The following KIAA0319L variants were observed in gnomAD, a reference collection of about 807,000 sequenced individuals.
KIAA0319L encodes the protein KIAA0319 like.
Under a neutral mutation model 120.1 loss-of-function variants are expected in KIAA0319L, and 55 were observed. The ratio of observed to expected loss-of-function variants is 0.46; its 90% confidence interval spans 0.37 to 0.57. The LOEUF (loss-of-function observed/expected upper bound fraction) is 0.57, where lower values mean the gene tolerates loss of function less well. Ranked by LOEUF, KIAA0319L falls within the 20% of genes least tolerant of loss-of-function variation. The pLI is 0.00. For missense variants in KIAA0319L, 1,049 were observed against 1,255.3 expected (o/e 0.84, Z 2.48); for synonymous variants, 398 against 471.9 (o/e 0.84, Z 2.03).
At chr1:35,466,987 T>C (rs965079001) in intron 6 of KIAA0319L, among the ~76,000 whole-genome samples, 1 of 151,690 alleles carries the variant, frequency 6.6e-6, no homozygotes, top group African/African-American at 2.4e-5. Context: ...AGCTACTTAG[T>C]AGGCTGAGGT....
At chr1:35,466,540 C>T (rs1643275557) in intron 7 of KIAA0319L, 68 bp downstream of exon 7, 1 of 1,060,012 alleles carries the variant, frequency 9.4e-7, no homozygotes, top group East Asian at 2.4e-5. Flanking sequence ...AACCCCAAAT[C>T]AAATCTCTAT....
Position 35,437,747 on chromosome 1 carries a change from T to C in KIAA0319L, c.2963-2666A>G, listed in dbSNP as rs1640900058. On this transcript the variant is annotated intron_variant, in intron 20 of 20. Coordinates refer to ENST00000325722, the MANE Select transcript of KIAA0319L (RefSeq NM_024874.5). The surrounding 1 kb of genome is among the most constrained non-coding windows in gnomAD (Gnocchi z 4.1). ...AACCCTAGGCCTCTTCTTTTGTCCT[T>C]CAACATTCCCCCATAAGGGATGTGA... is the stretch of plus-strand genomic sequence containing the variant. Among the ~76,000 whole-genome samples, 1 of 152,194 alleles carries C rather than the reference T, an allele frequency of 6.6e-6. No individual in the cohort carries two copies. Among genetic ancestry groups the C allele is most frequent in the Non-Finnish European group, 1.5e-5 (1 of 68,022 alleles).
At chr1:35,490,735 CTG>C (rs1644561041) in intron 3 of KIAA0319L, among the ~76,000 whole-genome samples, 1 of 152,130 alleles carries the variant, frequency 6.6e-6, no homozygotes, top group Non-Finnish European at 1.5e-5. Flanking sequence ...TGTTTTGGCT[CTG>C]TGTCCCCACC....
chr1:35,457,440 A>T (rs576316539), intron 9 of KIAA0319L, among the ~76,000 whole-genome samples: 12 of 151,632 alleles, frequency 7.9e-5, no homozygotes, highest in African/African-American at 2.7e-4. Context: ...TGAGATGAAA[A>T]TGAATTCTCC....
At chr1:35,471,169 T>G (rs1239857358) in intron 5 of KIAA0319L, among the ~76,000 whole-genome samples, 2 of 152,144 alleles carry the variant, frequency 1.3e-5, no homozygotes, top group Non-Finnish European at 2.9e-5. Flanking sequence ...TTCTTCCAAC[T>G]CTCTCCCAAC....
chr1:35,512,774 C>T (rs1236959442), intron 2 of KIAA0319L, among the ~76,000 whole-genome samples: 1 of 147,078 alleles, frequency 6.8e-6, no homozygotes, highest in African/African-American at 2.5e-5. Context: ...GAGGCTGAGG[C>T]AGGAGAATCA....
chr1:35,485,240 C>T (rs1644343881), intron 3 of KIAA0319L, among the ~76,000 whole-genome samples: 3 of 152,062 alleles, frequency 2.0e-5, no homozygotes, highest in Admixed American at 6.5e-5. Context: ...CTTGCCTATA[C>T]TTAAACTGCA....
Position 35,444,215 on chromosome 1 carries a change from G to T in KIAA0319L, c.2602C>A (p.Arg868=). 6.2e-7 allele frequency: 1 copy of T among 1,609,028 alleles called. No individual in the cohort carries two copies. Among genetic ancestry groups the T allele is most frequent in the Non-Finnish European group, 8.5e-7 (1 of 1,177,918 alleles). ...EVAAMLKSEL[R]KQKADFLIFR... Reference sequence around the variant, plus strand: ...ATCAAAAAGTCTGCCTTTTGCTTCCGCAGCTCACTCTTGAGCATCGCTGCC... The same window carrying T: ...ATCAAAAAGTCTGCCTTTTGCTTCCTCAGCTCACTCTTGAGCATCGCTGCC... The change falls in exon 17 of 21, where the codon CGG becomes AGG. Residue 868 remains arginine (R), a synonymous_variant. Transcript: ENST00000325722.
In KIAA0319L at chr1:35,462,639, T is replaced by C. The variant is rs754983404; in HGVS notation, c.1276A>G (p.Thr426Ala). Residue 426 changes from threonine (T) to alanine (A), a missense_variant, in exon 8 of 21, where the codon ACA (threonine) becomes GCA (alanine). Thr to Ala is a moderately conservative substitution (Grantham distance 58). Transcript: ENST00000325722. ...TACTCACGACTGCCATCAATGACTG[T>C]AGAAGTGGTTGGCAAAGAGATCTCC... ...FQEISLPTTS[T>A]VIDGSQSTDD... is the part of the protein sequence containing the mutation. 4 of 1,612,824 alleles carry C rather than the reference T, an allele frequency of 2.5e-6. No individual in the cohort carries two copies. The highest frequency in any genetic ancestry group is 3.4e-6 in the Non-Finnish European group (4 of 1,178,848).
intron 3 of KIAA0319L, among the ~76,000 whole-genome samples, chr1:35,505,106 C>T (rs1645161005): frequency 6.6e-6 from 1 of 152,094 alleles, no homozygotes; most frequent in Non-Finnish European, 1.5e-5. Context: ...GATGCTTTCA[C>T]GGCACTCTGT....
chr1:35,493,507 A>C lies in KIAA0319L; in HGVS notation c.666+13105T>G, dbSNP rs560073362. ...TTTTTAGATTTTTTTAGAATTACAGATAAACCTGACAAAAGACTGCAAGAT... is the reference window on the plus strand; with the variant it reads ...TTTTTAGATTTTTTTAGAATTACAGCTAAACCTGACAAAAGACTGCAAGAT... On this transcript the variant is annotated intron_variant, in intron 3 of 20. Coordinates refer to ENST00000325722, the MANE Select transcript of KIAA0319L (RefSeq NM_024874.5). Among the ~76,000 whole-genome samples the C allele has an allele frequency of 1.1e-3, 165 of 152,178 alleles. 1 individual carries two copies. Among genetic ancestry groups the C allele is most frequent in the Admixed American group, 2.0e-3 (31 of 15,284 alleles).
At chr1:35,468,598 T>A (rs1643425373) in intron 6 of KIAA0319L, among the ~76,000 whole-genome samples, 1 of 152,206 alleles carries the variant, frequency 6.6e-6, no homozygotes. Flanking sequence ...CTTCTCCTTC[T>A]GTGCTCCTCA....
chr1:35,440,689 A>G (rs908627449), intron 20 of KIAA0319L: 20 of 237,002 alleles, frequency 8.4e-5, no homozygotes, highest in African/African-American at 4.4e-4. Flanking sequence ...ATCTCTGCCC[A>G]TAAAGCACAG....
chr1:35,536,870 C>T (rs568902262), intron 2 of KIAA0319L, among the ~76,000 whole-genome samples: 1 of 147,406 alleles, frequency 6.8e-6, no homozygotes, highest in South Asian at 2.3e-4. Flanking sequence ...TTAAGCTATG[C>T]ACTTAAAAAA....
At chr1:35,519,402 A>G (rs1449760384) in intron 2 of KIAA0319L, among the ~76,000 whole-genome samples, 2 of 152,202 alleles carry the variant, frequency 1.3e-5, no homozygotes, top group Non-Finnish European at 2.9e-5. Context: ...TTCTAATTCT[A>G]CGTAAACTTC....
Position 35,454,455 on chromosome 1 carries a change from C to CA in KIAA0319L, c.1686dup (p.Ala563CysfsTer15), listed in dbSNP as rs747407605. The CA allele has an allele frequency of 1.2e-6, 2 of 1,614,064 alleles. No homozygotes were observed. Among genetic ancestry groups the CA allele is most frequent in the Non-Finnish European group, 1.7e-6 (2 of 1,179,956 alleles). ...TAAGTGTAGTCTCCTTCTTGCATCG[C>CA]AGAGAGCTGTAAGGTTGGTGTTCTA... On this transcript the variant is annotated frameshift_variant, in exon 11 of 21. Coordinates refer to ENST00000325722, the MANE Select transcript of KIAA0319L (RefSeq NM_024874.5). LOFTEE classifies it high-confidence loss of function.
At chr1:35,484,019 C>T (rs972043416) in intron 3 of KIAA0319L, among the ~76,000 whole-genome samples, 3 of 152,032 alleles carry the variant, frequency 2.0e-5, no homozygotes, top group Non-Finnish European at 2.9e-5. Context: ...ATAAAGACAC[C>T]AGTCATTATA....
Position 35,443,056 on chromosome 1 carries a change from T to C in KIAA0319L, c.2657-28A>G. 2.5e-6 allele frequency: 4 copies of C among 1,613,808 alleles called. No individual in the cohort carries two copies. The South Asian group carries it at 3.3e-5, about 13-fold the overall frequency. Reference sequence around the variant, plus strand: ...GAGAGTGGCAGCAAAGGGAAGAAAGTCAACAAGACTCAGCCAGGGGTGACA... The same window carrying C: ...GAGAGTGGCAGCAAAGGGAAGAAAGCCAACAAGACTCAGCCAGGGGTGACA... On this transcript the variant is annotated intron_variant, in intron 17 of 20. Coordinates refer to ENST00000325722, the MANE Select transcript of KIAA0319L (RefSeq NM_024874.5).
chr1:35,523,406 C>A (rs2148449234), intron 2 of KIAA0319L, among the ~76,000 whole-genome samples: 2 of 152,276 alleles, frequency 1.3e-5, no homozygotes, highest in South Asian at 4.1e-4. Context: ...TCTTTTTCAA[C>A]AAATGCATAA....
Sources: allele counts gnomAD v4.1 joint callset (sites outside exome capture counted in the v4.1 genomes callset), GRCh38; gene constraint gnomAD v4.1.1; non-coding constraint Gnocchi (gnomAD v3.1); transcripts MANE v1.5; gene names NCBI Gene and HGNC (gene_info 2026-07-23, HGNC 2026-07-21).